LOC128125818: variants seen among roughly 807,000 people sequenced by gnomAD.
chr4:6,068,106 GCTCTGCAGGACTACCAGTTAAAGA>G, the LOC128125818 span, among the ~76,000 whole-genome samples: 2 of 152,188 alleles, frequency 1.3e-5, no homozygotes, highest in African/African-American at 4.8e-5. Context: ...CACTGTGAAG[GCTCTGCAGGACTACCAGTTAAAGA>G]CTCAACTCTC....
chr4:6,069,394 C>T, the LOC128125818 span, among the ~76,000 whole-genome samples: 1 of 152,228 alleles, frequency 6.6e-6, no homozygotes, highest in Non-Finnish European at 1.5e-5. The surrounding 1 kb of genome is among the most constrained non-coding windows in gnomAD (Gnocchi z 4.5). Flanking sequence ...CTTCCATGTT[C>T]CTTGCAACCA....
At chr4:6,067,279 AT>A in the LOC128125818 span, among the ~76,000 whole-genome samples, 1 of 152,144 alleles carries the variant, frequency 6.6e-6, no homozygotes. The surrounding 1 kb of genome is among the most constrained non-coding windows in gnomAD (Gnocchi z 4.6). Context: ...CCACAAACAG[AT>A]TTTGTTTTGC....
At chr4:6,069,178 G>A in the LOC128125818 span, among the ~76,000 whole-genome samples, 74 of 152,128 alleles carry the variant, frequency 4.9e-4, no homozygotes, top group East Asian at 0.014. The surrounding 1 kb of genome is among the most constrained non-coding windows in gnomAD (Gnocchi z 4.5). Context: ...GGGGAGAACC[G>A]CCCAGAAAAC....
the LOC128125818 span, among the ~76,000 whole-genome samples, chr4:6,069,527 T>C: frequency 1.6e-4 from 24 of 152,124 alleles, no homozygotes; most frequent in Non-Finnish European, 2.9e-4. The surrounding 1 kb of genome is among the most constrained non-coding windows in gnomAD (Gnocchi z 4.5). Flanking sequence ...GGCAGAAAGA[T>C]CGCTTGAGCC....
At chr4:6,067,859 C>T in the LOC128125818 span, among the ~76,000 whole-genome samples, 1 of 152,176 alleles carries the variant, frequency 6.6e-6, no homozygotes, top group South Asian at 2.1e-4. This position sits in a 1 kb window ranked among gnomAD's most constrained non-coding sequence, Gnocchi z 4.6. Flanking sequence ...GGTCACCCCC[C>T]TGAGCTCCAC....
the LOC128125818 span, among the ~76,000 whole-genome samples, chr4:6,067,812 T>A: frequency 6.7e-6 from 1 of 148,206 alleles, no homozygotes; most frequent in East Asian, 2.0e-4. This position sits in a 1 kb window ranked among gnomAD's most constrained non-coding sequence, Gnocchi z 4.6. Context: ...GTCACCCCCC[T>A]GAGCTCCACG....
At chr4:6,068,303 G>T in the LOC128125818 span, among the ~76,000 whole-genome samples, 1 of 152,184 alleles carries the variant, frequency 6.6e-6, no homozygotes, top group African/African-American at 2.4e-5. Flanking sequence ...TCCAGACCCA[G>T]TGGAGCCCCC....
At chr4:6,068,252 G>A in the LOC128125818 span, among the ~76,000 whole-genome samples, 69 of 152,270 alleles carry the variant, frequency 4.5e-4, 1 homozygote, top group South Asian at 9.9e-3. Flanking sequence ...CGATGTTGCC[G>A]CCTGTGTTTA....
the LOC128125818 span, among the ~76,000 whole-genome samples, chr4:6,069,829 T>C: frequency 6.6e-6 from 1 of 151,656 alleles, no homozygotes; most frequent in South Asian, 2.1e-4. The surrounding 1 kb of genome is among the most constrained non-coding windows in gnomAD (Gnocchi z 4.5). Flanking sequence ...ACACTTTGCA[T>C]ATACAGAGGT....
At chr4:6,067,400 C>A in the LOC128125818 span, among the ~76,000 whole-genome samples, 1 of 152,182 alleles carries the variant, frequency 6.6e-6, no homozygotes, top group African/African-American at 2.4e-5. This position sits in a 1 kb window ranked among gnomAD's most constrained non-coding sequence, Gnocchi z 4.6. Context: ...TGGGCACCAT[C>A]AACTTCAATG....
At chr4:6,067,392 G>A in the LOC128125818 span, among the ~76,000 whole-genome samples, 3 of 152,116 alleles carry the variant, frequency 2.0e-5, no homozygotes, top group African/African-American at 7.2e-5. The surrounding 1 kb of genome is among the most constrained non-coding windows in gnomAD (Gnocchi z 4.6). Flanking sequence ...GAAGACTATG[G>A]GCACCATCAA....
At chr4:6,066,261 A>T in the LOC128125818 span, among the ~76,000 whole-genome samples, 733 of 152,216 alleles carry the variant, frequency 4.8e-3, 6 homozygotes, top group African/African-American at 0.017. Context: ...CTGGCACCAG[A>T]GTTAATAATG....
the LOC128125818 span, among the ~76,000 whole-genome samples, chr4:6,069,557 T>C: frequency 5.1e-3 from 782 of 152,254 alleles, 6 homozygotes; most frequent in Middle Eastern, 0.017. The surrounding 1 kb of genome is among the most constrained non-coding windows in gnomAD (Gnocchi z 4.5). Context: ...AAGATCAACC[T>C]GGGCCACATA....
At chr4:6,067,158 G>T in the LOC128125818 span, among the ~76,000 whole-genome samples, 1 of 152,156 alleles carries the variant, frequency 6.6e-6, no homozygotes, top group African/African-American at 2.4e-5. The surrounding 1 kb of genome is among the most constrained non-coding windows in gnomAD (Gnocchi z 4.6). Context: ...TTTACTGATG[G>T]TCTTCCCCCT....
At chr4:6,068,040 A>G in the LOC128125818 span, among the ~76,000 whole-genome samples, 1 of 152,252 alleles carries the variant, frequency 6.6e-6, no homozygotes, top group Non-Finnish European at 1.5e-5. Flanking sequence ...CATCCACGTC[A>G]GCATCAGGGA....
At chr4:6,069,613 T>A in the LOC128125818 span, among the ~76,000 whole-genome samples, 2 of 151,752 alleles carry the variant, frequency 1.3e-5, no homozygotes, top group Middle Eastern at 6.8e-3. This position sits in a 1 kb window ranked among gnomAD's most constrained non-coding sequence, Gnocchi z 4.5. Flanking sequence ...GTTAGCCGAG[T>A]ATGGTGGCTG....
the LOC128125818 span, among the ~76,000 whole-genome samples, chr4:6,068,211 C>T: frequency 6.6e-6 from 1 of 152,196 alleles, no homozygotes; most frequent in African/African-American, 2.4e-5. Context: ...AAGGACTCAA[C>T]TCCCAAGCCC....
chr4:6,066,220 C>A, the LOC128125818 span, among the ~76,000 whole-genome samples: 4,994 of 152,040 alleles, frequency 0.033, 92 homozygotes, highest in South Asian at 0.084. Flanking sequence ...AGTGTTTTAC[C>A]CAGATATCTG....
At chr4:6,069,646 G>C in the LOC128125818 span, among the ~76,000 whole-genome samples, 2 of 152,016 alleles carry the variant, frequency 1.3e-5, no homozygotes, top group Non-Finnish European at 2.9e-5. This position sits in a 1 kb window ranked among gnomAD's most constrained non-coding sequence, Gnocchi z 4.5. Context: ...CCAGCTACTT[G>C]GGAGGCTGAG....
Sources: gnomAD v4.1 joint callset for allele counts (sites outside exome capture counted in the v4.1 genomes callset) on GRCh38, gnomAD v4.1.1 for gene constraint, Gnocchi (gnomAD v3.1) non-coding constraint, MANE v1.5 for transcripts.